The following UBE2D3 variants were observed in gnomAD, a reference collection of about 807,000 sequenced individuals.
UBE2D3 encodes the protein ubiquitin-conjugating enzyme E2 D3.
Under a neutral mutation model 22.8 loss-of-function variants are expected in UBE2D3, and 2 were observed. The ratio of observed to expected loss-of-function variants is 0.09; its 90% confidence interval spans 0.04 to 0.28. UBE2D3 has a LOEUF of 0.28. Ranked by LOEUF, UBE2D3 falls within the 10% of genes least tolerant of loss-of-function variation. The pLI, the probability that UBE2D3 is intolerant of heterozygous loss-of-function variation, is 1.00. For synonymous variants in UBE2D3, 56 were observed against 60.4 expected, an observed-to-expected ratio of 0.93 and a Z score of 0.34; for missense variants, 27 against 182.5, an observed-to-expected ratio of 0.15 and a Z score of 4.91.
intron 7 of UBE2D3, among the ~76,000 whole-genome samples, chr4:102,798,544 C>T (rs1009215213): frequency 6.6e-6 from 1 of 151,306 alleles, no homozygotes; most frequent in African/African-American, 2.4e-5. Flanking sequence ...AGTTTAGATG[C>T]TTAGGCTTAA....
At chr4:102,823,326 G>A (rs1477720178) in intron 2 of UBE2D3, among the ~76,000 whole-genome samples, 1 of 152,126 alleles carries the variant, frequency 6.6e-6, no homozygotes, top group East Asian at 1.9e-4. Context: ...CTATGCCTAA[G>A]TTTTTCAATT....
chr4:102,812,012 TG>T (rs1239321121), intron 2 of UBE2D3: 1 of 122,368 alleles, frequency 8.2e-6, no homozygotes, highest in African/African-American at 6.4e-5. Flanking sequence ...ATTTTCAAAG[TG>T]GGTAACTTTT....
intron 1 of UBE2D3, among the ~76,000 whole-genome samples, chr4:102,846,811 A>T (rs996506385): frequency 6.3e-5 from 9 of 141,866 alleles, no homozygotes; most frequent in African/African-American, 1.3e-4. Context: ...GGCTAATTAA[A>T]TTTTTTTTTT....
intron 1 of UBE2D3, among the ~76,000 whole-genome samples, chr4:102,850,027 A>C (rs1732260661): frequency 6.6e-6 from 1 of 152,250 alleles, no homozygotes; most frequent in East Asian, 1.9e-4. Flanking sequence ...TTTAAAGTGG[A>C]AACAGCCCAC....
rs1725158045 is a variant in UBE2D3 at position 102,795,273 on chromosome 4, A to G, written c.*2142T>C. ...GTCTAAGGCTATAAAGGTCAATTTG[A>G]AAGCCAGTTAGGGATCCACCGTGTT... On this transcript the variant is annotated 3_prime_UTR_variant, in exon 8 of 8. Coordinates refer to ENST00000453744, the MANE Select transcript of UBE2D3 (RefSeq NM_181891.3). The G allele has an allele frequency of 1.3e-5, 2 of 152,056 alleles. No homozygotes were observed. The highest frequency in any genetic ancestry group is 4.1e-4 in the South Asian group (2 of 4,832). 9.4% of individuals were successfully genotyped at this position (152,056 alleles called of 1,614,324 possible).
intron 4 of UBE2D3, among the ~76,000 whole-genome samples, chr4:102,806,674 G>A (rs1388930305): frequency 6.6e-6 from 1 of 152,090 alleles, no homozygotes; most frequent in Admixed American, 6.5e-5. Flanking sequence ...CTCTGTCATA[G>A]ATTAGGTGGG....
chr4:102,812,481 C>G (rs1728193508), intron 2 of UBE2D3: 1 of 151,904 alleles, frequency 6.6e-6, no homozygotes, highest in African/African-American at 2.4e-5. Flanking sequence ...AACTGAGGGG[C>G]CAGAACAAAA....
At chr4:102,804,027 C>G (rs1726620158) in intron 4 of UBE2D3, among the ~76,000 whole-genome samples, 1 of 152,094 alleles carries the variant, frequency 6.6e-6, no homozygotes, top group African/African-American at 2.4e-5. Context: ...TCTCGGCCTC[C>G]CAAAATGTGC....
chr4:102,827,166 GCGCTCCCGCGCGCGCCCGCCCAGC>G, intron 1 of UBE2D3: 1 of 986,866 alleles, frequency 1.0e-6, no homozygotes. Context: ...GCCTTCCAGC[GCGCTCCCGCGCGCGCCCGCCCAGC>G]CACCTCCACC....
chr4:102,855,355 A>G (rs1245878448), intron 1 of UBE2D3, among the ~76,000 whole-genome samples: 3 of 152,240 alleles, frequency 2.0e-5, no homozygotes, highest in Non-Finnish European at 4.4e-5. Flanking sequence ...CAAACACAAC[A>G]AATTCTACAA....
At chr4:102,834,904 G>A (rs1323351836) in intron 1 of UBE2D3, among the ~76,000 whole-genome samples, 1 of 151,890 alleles carries the variant, frequency 6.6e-6, no homozygotes, top group Non-Finnish European at 1.5e-5. Flanking sequence ...TCAGCCTCCT[G>A]AGTAGCTGGG....
At chr4:102,848,300 C>T (rs967403698) in intron 1 of UBE2D3, among the ~76,000 whole-genome samples, 9 of 151,862 alleles carry the variant, frequency 5.9e-5, no homozygotes, top group Admixed American at 5.9e-4. Context: ...CATTGGAGCT[C>T]AGGAGTTCAA....
chr4:102,799,603 T>G (rs548141381), intron 6 of UBE2D3, 103 bp from the exon 7 acceptor site: 1 of 779,950 alleles, frequency 1.3e-6, no homozygotes, highest in Non-Finnish European at 2.0e-6. Flanking sequence ...AGACTTTTAT[T>G]AGTTTGTATC....
chr4:102,798,878 A>G (rs1560839893), intron 7 of UBE2D3: 1 of 1,579,608 alleles, frequency 6.3e-7, no homozygotes, highest in African/African-American at 1.3e-5. Context: ...GCAGCACTCA[A>G]GTGCTGGCAG....
rs1725289408 is a variant in UBE2D3 at position 102,796,546 on chromosome 4, CAA to C, written c.*867_*868del. On this transcript the variant is annotated 3_prime_UTR_variant, in exon 8 of 8. Coordinates refer to ENST00000453744, the MANE Select transcript of UBE2D3 (RefSeq NM_181891.3). ...TATACAAAAAACAGCTTTGCATTTA[CAA>C]AAGATTGTTTCCCATACTGATTAAT... 1 of 152,384 alleles carries C rather than the reference CAA, an allele frequency of 6.6e-6. No individual in the cohort carries two copies. The highest frequency in any genetic ancestry group is 1.5e-5 in the Non-Finnish European group (1 of 67,892). 9.4% of individuals were successfully genotyped at this position (152,384 alleles called of 1,614,324 possible).
intron 1 of UBE2D3, among the ~76,000 whole-genome samples, chr4:102,833,704 G>T (rs1314857801): frequency 1.4e-4 from 22 of 152,154 alleles, no homozygotes; most frequent in Admixed American, 1.4e-3. Flanking sequence ...ATTCTGAAAT[G>T]GAAGTAAAAG....
At chr4:102,866,929 C>T (rs1305386947) in intron 1 of UBE2D3, among the ~76,000 whole-genome samples, 1 of 152,060 alleles carries the variant, frequency 6.6e-6, no homozygotes, top group Non-Finnish European at 1.5e-5. Context: ...CAGAATAGTC[C>T]AGAGGACAAG....
Position 102,796,023 on chromosome 4 carries a change from A to G in UBE2D3, c.*1392T>C, listed in dbSNP as rs181959811. 3.3e-5 allele frequency: 5 copies of G among 152,570 alleles called. No homozygotes were observed. The highest frequency in any genetic ancestry group is 2.1e-4 in the South Asian group (1 of 4,826). 9.5% of individuals were successfully genotyped at this position (152,570 alleles called of 1,614,324 possible). A position where few individuals can be genotyped will look rare whatever the true frequency, so the allele number is the denominator to read the frequency against. ...CATTCATGTTAAGTCACCTGAAATG[A>G]TATCTGTTGCATTTAAATGCTCATT... is the stretch of plus-strand genomic sequence containing the variant. On this transcript the variant is annotated 3_prime_UTR_variant, in exon 8 of 8. Coordinates refer to ENST00000453744, the MANE Select transcript of UBE2D3 (RefSeq NM_181891.3).
intron 4 of UBE2D3, among the ~76,000 whole-genome samples, chr4:102,804,342 A>T (rs1726682161): frequency 6.6e-6 from 1 of 151,844 alleles, no homozygotes; most frequent in South Asian, 2.1e-4. Context: ...TTTTATTTTT[A>T]GTAGAGATGG....
Sources: gnomAD v4.1 joint callset for allele counts (sites outside exome capture counted in the v4.1 genomes callset) on GRCh38, gnomAD v4.1.1 for gene constraint, MANE v1.5 for transcripts, NCBI Gene and HGNC (gene_info 2026-07-23, HGNC 2026-07-21) for gene names.